Variants in DPP10 observed in about 807,000 individuals in gnomAD.
The protein encoded by DPP10 is dipeptidyl peptidase like 10, also known as inactive dipeptidyl peptidase 10.
A neutral mutation model predicts 120.9 loss-of-function variants in DPP10; 33 were observed. That is an observed-to-expected ratio of 0.27 (90% CI 0.21 to 0.37). The LOEUF (loss-of-function observed/expected upper bound fraction) is 0.37. Ranked by LOEUF, DPP10 falls within the 10% of genes least tolerant of loss-of-function variation. The pLI is 1.00. For missense variants in DPP10, 816 were observed against 942.8 expected, an observed-to-expected ratio of 0.87 and a Z score of 1.76; for synonymous variants, 337 against 326.1, an observed-to-expected ratio of 1.03 and a Z score of -0.36.
chr2:114,613,956 C>G (rs972655009), intron 1 of DPP10, among the ~76,000 whole-genome samples: 3 of 151,932 alleles, frequency 2.0e-5, no homozygotes, highest in Non-Finnish European at 4.4e-5. Flanking sequence ...CATCATACAC[C>G]AGGGCCTGTC....
Position 115,262,038 on chromosome 2 carries a change from C to T in DPP10, c.61-47201C>T, listed in dbSNP as rs191757807. On this transcript the variant is annotated intron_variant, in intron 1 of 25. Coordinates refer to ENST00000410059, the MANE Select transcript of DPP10 (RefSeq NM_020868.6). ...CCTTGACCCCTGAGTTTACCATTCTCATTTTTGAGATTCCATTTTCACTTC... is the reference window on the plus strand; with the variant it reads ...CCTTGACCCCTGAGTTTACCATTCTTATTTTTGAGATTCCATTTTCACTTC... Among the ~76,000 whole-genome samples the T allele has an allele frequency of 1.7e-4, 26 of 152,268 alleles. No individual in the cohort carries two copies. The East Asian group carries it at 4.8e-3, about 28-fold the overall frequency.
chr2:115,501,470 T>A (rs1334018615), intron 4 of DPP10, among the ~76,000 whole-genome samples: 1 of 152,110 alleles, frequency 6.6e-6, no homozygotes, highest in Admixed American at 6.6e-5. Flanking sequence ...TCTTTTTAAA[T>A]CCTTTTGAGG....
intron 1 of DPP10, among the ~76,000 whole-genome samples, chr2:115,265,639 G>A (rs185732937): frequency 2.0e-3 from 297 of 152,200 alleles, no homozygotes; most frequent in African/African-American, 7.0e-3. Context: ...TCAGTCCCTA[G>A]TGTTTCTGAA....
intron 4 of DPP10, among the ~76,000 whole-genome samples, chr2:115,515,591 T>C (rs1464919033): frequency 6.6e-6 from 1 of 152,098 alleles, no homozygotes; most frequent in Non-Finnish European, 1.5e-5. Flanking sequence ...TATTTGTACT[T>C]AGTCTTAATC....
intron 1 of DPP10, among the ~76,000 whole-genome samples, chr2:115,255,340 C>T (rs1233601518): frequency 6.6e-6 from 1 of 152,148 alleles, no homozygotes; most frequent in Non-Finnish European, 1.5e-5. Context: ...CCCTATGCTG[C>T]ACACAGTAGG....
intron 3 of DPP10, among the ~76,000 whole-genome samples, chr2:115,394,042 C>G (rs2067499438): frequency 6.6e-6 from 1 of 152,086 alleles, no homozygotes; most frequent in Non-Finnish European, 1.5e-5. Context: ...TTGAATTATG[C>G]AGTTTCATCA....
At chr2:114,743,256 C>A (rs1678242762) in intron 1 of DPP10, among the ~76,000 whole-genome samples, 1 of 152,122 alleles carries the variant, frequency 6.6e-6, no homozygotes, top group Non-Finnish European at 1.5e-5. Flanking sequence ...TTCAAGAGTA[C>A]ATCTTTTGGG....
intron 3 of DPP10, among the ~76,000 whole-genome samples, chr2:115,345,450 G>A (rs58283164): frequency 0.014 from 2,142 of 152,164 alleles, 41 homozygotes; most frequent in African/African-American, 0.049. Flanking sequence ...ACAATCACCT[G>A]TTTACTCTTT....
At chr2:115,279,008 A>C (rs1361233183) in intron 1 of DPP10, among the ~76,000 whole-genome samples, 1 of 152,232 alleles carries the variant, frequency 6.6e-6, no homozygotes, top group Non-Finnish European at 1.5e-5. Flanking sequence ...AGACAGGTGT[A>C]AACTTGTGTT....
intron 1 of DPP10, among the ~76,000 whole-genome samples, chr2:114,565,434 T>G (rs1014054178): frequency 1.3e-5 from 2 of 152,206 alleles, no homozygotes; most frequent in Admixed American, 6.5e-5. Flanking sequence ...GCATTCTTAT[T>G]GAGTCATGGT....
chr2:115,045,371 T>A (rs1421682878), intron 1 of DPP10, among the ~76,000 whole-genome samples: 1 of 152,222 alleles, frequency 6.6e-6, no homozygotes, highest in East Asian at 1.9e-4. Context: ...CTTTGTGAGT[T>A]TGCTTATTAA....
intron 13 of DPP10, among the ~76,000 whole-genome samples, chr2:115,769,865 C>G (rs1681244093): frequency 6.6e-6 from 1 of 151,926 alleles, no homozygotes; most frequent in African/African-American, 2.4e-5. Context: ...ATTTTGGCCC[C>G]TAAAATATCA....
At chr2:115,291,845 G>A (rs1396821203) in intron 1 of DPP10, among the ~76,000 whole-genome samples, 1 of 152,078 alleles carries the variant, frequency 6.6e-6, no homozygotes. Flanking sequence ...CAGATCCATA[G>A]CACTGTGCCA....
chr2:115,650,437 A>G (rs2087662810), intron 5 of DPP10, among the ~76,000 whole-genome samples: 1 of 151,674 alleles, frequency 6.6e-6, no homozygotes, highest in Non-Finnish European at 1.5e-5. Flanking sequence ...CCACTTGACA[A>G]CTGGTAAAGA....
intron 1 of DPP10, among the ~76,000 whole-genome samples, chr2:114,656,733 A>C (rs1696995125): frequency 6.6e-6 from 1 of 152,166 alleles, no homozygotes; most frequent in Non-Finnish European, 1.5e-5. Flanking sequence ...TTGTAGAAGA[A>C]TAGTGAAGAA....
intron 1 of DPP10, among the ~76,000 whole-genome samples, chr2:114,893,836 GA>G (rs1442330687): frequency 2.6e-5 from 4 of 152,164 alleles, no homozygotes; most frequent in African/African-American, 9.6e-5. Flanking sequence ...CTGTGAGACA[GA>G]AAAAACATAT....
intron 1 of DPP10, among the ~76,000 whole-genome samples, chr2:115,189,751 G>A (rs1312911822): frequency 6.6e-6 from 1 of 152,140 alleles, no homozygotes; most frequent in African/African-American, 2.4e-5. Context: ...CTGCCTCTAT[G>A]AGTCTGCGCC....
At chr2:114,849,596 C>G (rs1312457941) in intron 1 of DPP10, among the ~76,000 whole-genome samples, 1 of 152,154 alleles carries the variant, frequency 6.6e-6, no homozygotes, top group Non-Finnish European at 1.5e-5. Context: ...AAGTGATCCT[C>G]CCACTTTGGC....
intron 1 of DPP10, among the ~76,000 whole-genome samples, chr2:114,456,560 CTTA>C (rs2104553466): frequency 6.6e-6 from 1 of 152,198 alleles, no homozygotes; most frequent in East Asian, 1.9e-4. Context: ...GACACACATA[CTTA>C]TTATCAACAG....
Sources: allele counts gnomAD v4.1 joint callset (sites outside exome capture counted in the v4.1 genomes callset), GRCh38; gene constraint gnomAD v4.1.1; transcripts MANE v1.5; gene names NCBI Gene and HGNC (gene_info 2026-07-23, HGNC 2026-07-21).